The following ASIC2 variants were observed in gnomAD, a reference collection of about 807,000 sequenced individuals.
ASIC2 encodes the protein acid sensing ion channel subunit 2.
ASIC2 carries 25 observed loss-of-function variants against 57.3 expected under a neutral mutation model. That is an observed-to-expected ratio of 0.44 (90% CI 0.32 to 0.61). The LOEUF is 0.61. Ranked by LOEUF, ASIC2 falls within the 20% of genes least tolerant of loss-of-function variation. The probability of loss-of-function intolerance (pLI) is 0.06; values close to 1 mark genes in which losing one functional copy is unlikely to be tolerated. For synonymous variants in ASIC2, 319 were observed against 307.5 expected, an observed-to-expected ratio of 1.04 and a Z score of -0.39; for missense variants, 641 against 738.1, an observed-to-expected ratio of 0.87 and a Z score of 1.52.
chr17:33,283,578 A>G (rs777985208), intron 1 of ASIC2, among the ~76,000 whole-genome samples: 16 of 152,336 alleles, frequency 1.1e-4, no homozygotes, highest in Middle Eastern at 6.8e-3. Flanking sequence ...CCCTAAGAAC[A>G]TCTTCCAGGG....
intron 1 of ASIC2, among the ~76,000 whole-genome samples, chr17:33,646,599 C>T (rs1206115099): frequency 6.6e-6 from 1 of 152,214 alleles, no homozygotes; most frequent in Non-Finnish European, 1.5e-5. Flanking sequence ...GACACTTCTA[C>T]ACCTTAGTTT....
intron 1 of ASIC2, among the ~76,000 whole-genome samples, chr17:33,180,137 T>C (rs927485211): frequency 2.0e-5 from 3 of 152,166 alleles, no homozygotes; most frequent in Admixed American, 1.3e-4. Context: ...ACATTTACTA[T>C]AGGATCTTGA....
At chr17:33,516,487 C>A (rs537342593) in intron 1 of ASIC2, among the ~76,000 whole-genome samples, 1 of 152,024 alleles carries the variant, frequency 6.6e-6, no homozygotes, top group African/African-American at 2.4e-5. Flanking sequence ...TGGCACTCAA[C>A]CTAACTACAC....
intron 1 of ASIC2, among the ~76,000 whole-genome samples, chr17:33,168,434 T>C (rs78031214): frequency 0.028 from 4,244 of 152,232 alleles, 143 homozygotes; most frequent in East Asian, 0.12. Flanking sequence ...AGAGAGGAGC[T>C]GTAGGGAAAG....
intron 1 of ASIC2, among the ~76,000 whole-genome samples, chr17:33,938,275 TG>T (rs1043171821): frequency 3.9e-5 from 6 of 152,152 alleles, no homozygotes; most frequent in African/African-American, 1.4e-4. Context: ...TTTCTTCAGC[TG>T]GGGGCTCCCT....
intron 1 of ASIC2, among the ~76,000 whole-genome samples, chr17:33,149,102 GAAACAA>G (rs1432247360): frequency 1.3e-5 from 2 of 151,856 alleles, no homozygotes; most frequent in African/African-American, 2.4e-5. Context: ...TTAAAAAAAA[GAAACAA>G]AAACAAAAAC....
intron 1 of ASIC2, among the ~76,000 whole-genome samples, chr17:33,618,244 G>C (rs9914388): frequency 0.088 from 13,399 of 151,876 alleles, 616 homozygotes; most frequent in African/African-American, 0.12. Context: ...TTTTGAGACA[G>C]AGTCTTGCTG....
intron 1 of ASIC2, among the ~76,000 whole-genome samples, chr17:33,349,145 C>T (rs571585466): frequency 1.3e-5 from 2 of 152,262 alleles, no homozygotes; most frequent in South Asian, 2.1e-4. Flanking sequence ...CTCACCTGTA[C>T]CTATTGTTGT....
At chr17:34,070,442 AGAG>A (rs1163278856) in intron 1 of ASIC2, 4 of 152,184 alleles carry the variant, frequency 2.6e-5, no homozygotes, top group East Asian at 1.9e-4. Context: ...CTAGAAACTC[AGAG>A]GAGGTTAAAC....
intron 1 of ASIC2, among the ~76,000 whole-genome samples, chr17:33,432,664 A>T: frequency 6.6e-6 from 1 of 152,222 alleles, no homozygotes; most frequent in East Asian, 1.9e-4. Context: ...TCAACTGTTC[A>T]TGTTGTCAGC....
chr17:34,075,557 G>T (rs908913276), intron 1 of ASIC2, among the ~76,000 whole-genome samples: 3 of 152,188 alleles, frequency 2.0e-5, no homozygotes, highest in Admixed American at 6.5e-5. Context: ...GAGGAAGTGA[G>T]GAGCTGAAAA....
At position 33,150,828 on chromosome 17, in the gene ASIC2, C is replaced by T. The variant is rs1173240817; in HGVS notation, c.709-38761G>A. Among the ~76,000 whole-genome samples the T allele has an allele frequency of 5.7e-3, 307 of 53,576 alleles. 50 individuals carry two copies. The highest frequency in any genetic ancestry group is 0.031 in the African/African-American group (293 of 9,604). The allele number at this position is 53,576 out of a possible 152,430, so 35.1% of individuals were successfully genotyped here. On this transcript the variant is annotated intron_variant, in intron 1 of 9. Transcript: ENST00000225823. ...TCCCGCCACTGCACTCCAGCCTGGG[C>T]GACAGAGCGAGACTCCGTCTCAAAA...
At chr17:33,418,418 G>A (rs1910934131) in intron 1 of ASIC2, among the ~76,000 whole-genome samples, 1 of 152,082 alleles carries the variant, frequency 6.6e-6, no homozygotes, top group African/African-American at 2.4e-5. Context: ...ATTGCTTTTG[G>A]TGTTTTAGTC....
At chr17:33,971,281 C>T (rs189135655) in intron 1 of ASIC2, among the ~76,000 whole-genome samples, 29 of 152,192 alleles carry the variant, frequency 1.9e-4, no homozygotes, top group East Asian at 1.7e-3. Flanking sequence ...GGTCAAAACA[C>T]GATAAAACAC....
At position 34,088,883 on chromosome 17, in the gene ASIC2, G is replaced by A. The variant is rs543887092; in HGVS notation, c.555+67095C>T. Among the ~76,000 whole-genome samples, 97 of 152,300 alleles carry A rather than the reference G, an allele frequency of 6.4e-4. 1 individual carries two copies. Among genetic ancestry groups the A allele is most frequent in the African/African-American group, 2.2e-3 (91 of 41,568 alleles). On this transcript the variant is annotated intron_variant, in intron 1 of 9. Transcript: ENST00000359872. ...TCCTGGTGTGCTGTTTTTTAAGCCC[G>A]TCGGAAAAGCGCGGTATTTGGGTGG...
chr17:33,872,070 T>C (rs550286421), intron 1 of ASIC2, among the ~76,000 whole-genome samples: 81 of 152,108 alleles, frequency 5.3e-4, no homozygotes, highest in Non-Finnish European at 6.0e-4. Context: ...CCATCTCCCT[T>C]GCAAGTGACT....
At position 34,098,650 on chromosome 17, in the gene ASIC2, C is replaced by T. The variant is rs535130885; in HGVS notation, c.555+57328G>A. ...TTTGATCACTGCTCTATCTGCAACA[C>T]CTCAAAGAAAACATAGGAGGCTTTC... is the stretch of plus-strand genomic sequence containing the variant. On this transcript the variant is annotated intron_variant, in intron 1 of 9. Coordinates refer to the ASIC2 transcript ENST00000359872. Among the ~76,000 whole-genome samples the T allele has an allele frequency of 2.0e-5, 3 of 152,292 alleles. 1 individual carries two copies. In the South Asian group the frequency reaches 6.2e-4, roughly 32 times the overall value.
chr17:33,882,198 G>A (rs1914717076), intron 1 of ASIC2, among the ~76,000 whole-genome samples: 1 of 152,174 alleles, frequency 6.6e-6, no homozygotes, highest in Admixed American at 6.5e-5. Context: ...ACATAGGCAT[G>A]GGCAAGGACT....
intron 1 of ASIC2, among the ~76,000 whole-genome samples, chr17:33,625,616 C>A (rs531703052): frequency 1.1e-4 from 17 of 152,306 alleles, no homozygotes; most frequent in African/African-American, 3.6e-4. Flanking sequence ...AAAACATGGA[C>A]CTATAGAGTT....
Sources: allele counts gnomAD v4.1 joint callset (sites outside exome capture counted in the v4.1 genomes callset), GRCh38; gene constraint gnomAD v4.1.1; transcripts MANE v1.5; gene names NCBI Gene and HGNC (gene_info 2026-07-23, HGNC 2026-07-21).